MMP26: variants seen among roughly 807,000 people sequenced by gnomAD.
MMP26 encodes the protein matrix metallopeptidase 26, also known as matrix metalloproteinase-26.
In MMP26, 33 loss-of-function variants were observed where a neutral mutation model predicts 31.0. That is an observed-to-expected ratio of 1.06 (90% CI 0.81 to 1.42). The LOEUF (loss-of-function observed/expected upper bound fraction) is 1.42, where lower values mean the gene tolerates loss of function less well. Among genes scored for constraint, MMP26 ranks in the 40% most tolerant of loss-of-function variants. The pLI is 0.00. For synonymous variants in MMP26, 122 were observed against 114.9 expected, an observed-to-expected ratio of 1.06 and a Z score of -0.40; for missense variants, 347 against 316.1, an observed-to-expected ratio of 1.10 and a Z score of -0.74.
intron 2 of MMP26, among the ~76,000 whole-genome samples, chr11:4,861,792 T>G (rs986114235): frequency 6.6e-6 from 1 of 152,144 alleles, no homozygotes; most frequent in African/African-American, 2.4e-5. Flanking sequence ...ACATTCTTCA[T>G]TTGGCAGTTA....
At chr11:4,909,064 G>A (rs565781634) in intron 2 of MMP26, 1 of 152,146 alleles carries the variant, frequency 6.6e-6, no homozygotes, top group East Asian at 1.9e-4. Context: ...ATTTAACTAA[G>A]TGACTAAAAG....
chr11:4,719,895 C>T (rs569490269), intron 1 of MMP26, among the ~76,000 whole-genome samples: 1 of 152,212 alleles, frequency 6.6e-6, no homozygotes, highest in South Asian at 2.1e-4. Context: ...AAAGTGTCTA[C>T]TTATTATTTA....
intron 2 of MMP26, among the ~76,000 whole-genome samples, chr11:4,901,683 A>C (rs1850804648): frequency 6.6e-6 from 1 of 152,006 alleles, no homozygotes; most frequent in African/African-American, 2.4e-5. Flanking sequence ...TTTTTCCTAT[A>C]CCGCAGGATC....
At chr11:4,775,514 G>A (rs1398403501) in intron 2 of MMP26, among the ~76,000 whole-genome samples, 1 of 152,136 alleles carries the variant, frequency 6.6e-6, no homozygotes, top group Non-Finnish European at 1.5e-5. Context: ...CTGCAACCCA[G>A]CTGATGATCT....
At chr11:4,841,204 T>C (rs550647782) in intron 2 of MMP26, among the ~76,000 whole-genome samples, 1 of 152,242 alleles carries the variant, frequency 6.6e-6, no homozygotes, top group South Asian at 2.1e-4. Context: ...CTAAGAGTTA[T>C]TGGTCTTAAA....
chr11:4,946,461 G>C (rs1846307060), intron 2 of MMP26: 1 of 1,609,484 alleles, frequency 6.2e-7, no homozygotes, highest in African/African-American at 1.3e-5. Flanking sequence ...ACAGCAATGA[G>C]AATAAAGTCT....
intron 2 of MMP26, among the ~76,000 whole-genome samples, chr11:4,902,406 T>C (rs1012617043): frequency 6.6e-6 from 1 of 152,170 alleles, no homozygotes; most frequent in Non-Finnish European, 1.5e-5. Context: ...TTGCTCAGGA[T>C]AATGGCTTCC....
chr11:4,827,262 C>T (rs1044849446), intron 2 of MMP26, among the ~76,000 whole-genome samples: 2 of 152,122 alleles, frequency 1.3e-5, no homozygotes, highest in African/African-American at 4.8e-5. Flanking sequence ...AATGCAGTCA[C>T]CTCAGAATGA....
intron 2 of MMP26, among the ~76,000 whole-genome samples, chr11:4,863,447 A>G (rs1157860409): frequency 2.0e-5 from 3 of 151,612 alleles, no homozygotes; most frequent in Non-Finnish European, 4.4e-5. Flanking sequence ...TTCTCTTTCC[A>G]TCTTTGCTTT....
rs551669223 is a variant in MMP26, at chr11:4,836,826, A to AT, written c.-145+69499dup. Among the ~76,000 whole-genome samples the AT allele has an allele frequency of 4.3e-3, 608 of 142,324 alleles. 4 individuals are homozygous for AT. Among genetic ancestry groups the AT allele is most frequent in the East Asian group, 0.016 (79 of 4,934 alleles). 93.4% of individuals were successfully genotyped at this position (142,324 alleles called of 152,430 possible). On this transcript the variant is annotated intron_variant, in intron 2 of 7. Coordinates refer to ENST00000380390, the MANE Select transcript of MMP26 (RefSeq NM_021801.5). ...AGGTGTGCACCACCATGCCCAGCTA[A>AT]TTTTTTTTTTTTTTGTATTTTTGGT...
intron 2 of MMP26, among the ~76,000 whole-genome samples, chr11:4,879,834 GA>G (rs1850433240): frequency 6.6e-6 from 1 of 152,130 alleles, no homozygotes; most frequent in South Asian, 2.1e-4. Flanking sequence ...GACCTCTTAG[GA>G]AGAGGATATA....
chr11:4,746,581 T>C (rs1298057174), intron 1 of MMP26, among the ~76,000 whole-genome samples: 1 of 152,136 alleles, frequency 6.6e-6, no homozygotes, highest in African/African-American at 2.4e-5. Flanking sequence ...CTCACGCCTG[T>C]AATCCCAGTA....
intron 2 of MMP26, among the ~76,000 whole-genome samples, chr11:4,869,749 C>G (rs2133524553): frequency 6.6e-6 from 1 of 152,278 alleles, no homozygotes; most frequent in Admixed American, 6.5e-5. Context: ...AATCATGCTG[C>G]TATAAAGACA....
chr11:4,878,635 G>T (rs1488829165), intron 2 of MMP26, among the ~76,000 whole-genome samples: 1 of 152,078 alleles, frequency 6.6e-6, no homozygotes, highest in Non-Finnish European at 1.5e-5. Context: ...ATGTAGTTTA[G>T]ACCATATGGT....
At chr11:4,826,515 G>A (rs1380488649) in intron 2 of MMP26, among the ~76,000 whole-genome samples, 1 of 152,068 alleles carries the variant, frequency 6.6e-6, no homozygotes, top group African/African-American at 2.4e-5. Context: ...AAGCTCAGTG[G>A]TGAAATGCTG....
At chr11:4,737,233 T>C (rs990207255) in intron 1 of MMP26, among the ~76,000 whole-genome samples, 2 of 152,238 alleles carry the variant, frequency 1.3e-5, no homozygotes, top group African/African-American at 4.8e-5. Context: ...ATTTTTAGGA[T>C]TTTAACGTCT....
At chr11:4,715,299 C>T (rs980349860) in intron 1 of MMP26, among the ~76,000 whole-genome samples, 31 of 146,668 alleles carry the variant, frequency 2.1e-4, no homozygotes, top group African/African-American at 7.6e-4. Context: ...AAAAGAATAT[C>T]GTTTCATCAA....
chr11:4,706,071 CAGG>C lies in MMP26; in HGVS notation c.-217+1029_-217+1031del, dbSNP rs551254457. Among the ~76,000 whole-genome samples the C allele has an allele frequency of 2.6e-4, 40 of 152,052 alleles. No individual in the cohort carries two copies. The East Asian group carries it at 6.2e-3, about 24-fold the overall frequency. On this transcript the variant is annotated intron_variant, in intron 1 of 7. Coordinates refer to ENST00000380390, the MANE Select transcript of MMP26 (RefSeq NM_021801.5). Reference sequence around the variant, plus strand: ...ATCCTATTACGTTTCCCTTTGATTGCAGGAGTTGAAGAAAGATTCTATGAGCTA... The same window carrying C: ...ATCCTATTACGTTTCCCTTTGATTGCAGTTGAAGAAAGATTCTATGAGCTA...
intron 2 of MMP26, among the ~76,000 whole-genome samples, chr11:4,816,782 C>G (rs1849426171): frequency 7.0e-6 from 1 of 142,952 alleles, no homozygotes; most frequent in Non-Finnish European, 1.5e-5. Flanking sequence ...CGGCTCACTG[C>G]AAGCTCCGCC....
Sources: gnomAD v4.1 joint callset for allele counts (sites outside exome capture counted in the v4.1 genomes callset) on GRCh38, gnomAD v4.1.1 for gene constraint, MANE v1.5 for transcripts, NCBI Gene and HGNC (gene_info 2026-07-23, HGNC 2026-07-21) for gene names.